Variants in AGBL4 observed in about 807,000 individuals in gnomAD.
The protein encoded by AGBL4 is AGBL carboxypeptidase 4, also known as cytosolic carboxypeptidase 6.
Under a neutral mutation model 66.4 loss-of-function variants are expected in AGBL4, and 58 were observed. That is an observed-to-expected ratio of 0.87 (90% CI 0.71 to 1.09). The LOEUF is 1.09. Ranked by LOEUF, AGBL4 falls within the 50% of genes least tolerant of loss-of-function variation. The pLI, the probability that AGBL4 is intolerant of heterozygous loss-of-function variation, is 0.00. For missense variants in AGBL4, 579 were observed against 631.0 expected, an observed-to-expected ratio of 0.92 and a Z score of 0.88; for synonymous variants, 234 against 222.9, an observed-to-expected ratio of 1.05 and a Z score of -0.44.
chr1:48,744,195 C>G (rs1310575214), intron 6 of AGBL4, among the ~76,000 whole-genome samples: 1 of 152,206 alleles, frequency 6.6e-6, no homozygotes, highest in Admixed American at 6.5e-5. Flanking sequence ...TATTCAAGGG[C>G]TGGGCCTAGG....
intron 1 of AGBL4, among the ~76,000 whole-genome samples, chr1:49,853,117 A>G (rs1413290944): frequency 6.6e-6 from 1 of 152,204 alleles, no homozygotes; most frequent in Non-Finnish European, 1.5e-5. Flanking sequence ...AAATATCAAG[A>G]AAAAACAACC....
At chr1:49,503,605 G>C (rs1426410413) in intron 3 of AGBL4, among the ~76,000 whole-genome samples, 1 of 152,168 alleles carries the variant, frequency 6.6e-6, no homozygotes, top group Non-Finnish European at 1.5e-5. Flanking sequence ...GCTGCCCAAA[G>C]CTGTGGGAGC....
chr1:48,816,061 G>C (rs1038719770), intron 6 of AGBL4, among the ~76,000 whole-genome samples: 1 of 148,068 alleles, frequency 6.8e-6, no homozygotes, highest in Non-Finnish European at 1.5e-5. Context: ...GTGTGTGTGT[G>C]TGTGTGTGTG....
At chr1:49,469,377 C>G (rs1646695512) in intron 3 of AGBL4, among the ~76,000 whole-genome samples, 1 of 151,676 alleles carries the variant, frequency 6.6e-6, no homozygotes, top group Non-Finnish European at 1.5e-5. Flanking sequence ...TTGTATCTTT[C>G]AGGATTATGA....
At chr1:48,611,204 G>A (rs1645233413) in intron 9 of AGBL4, among the ~76,000 whole-genome samples, 1 of 152,254 alleles carries the variant, frequency 6.6e-6, no homozygotes, top group African/African-American at 2.4e-5. Flanking sequence ...GCAGGCTTGA[G>A]GCTTCCTGGC....
intron 3 of AGBL4, among the ~76,000 whole-genome samples, chr1:49,499,720 C>CATATATATATATATATATATAT (rs151053487): frequency 1.4e-5 from 2 of 145,346 alleles, no homozygotes; most frequent in South Asian, 2.2e-4. Context: ...GAATGGTATT[C>CATATATATATATATATATATAT]ATATATATAT....
intron 4 of AGBL4, among the ~76,000 whole-genome samples, chr1:49,054,348 A>G (rs900707865): frequency 7.2e-5 from 11 of 152,078 alleles, no homozygotes; most frequent in Non-Finnish European, 1.6e-4. Flanking sequence ...TTGAAGCTAA[A>G]ATACTGTCTT....
chr1:49,453,505 G>A (rs1167263), intron 3 of AGBL4, among the ~76,000 whole-genome samples: 7,469 of 151,620 alleles, frequency 0.049, 579 homozygotes, highest in African/African-American at 0.16. Flanking sequence ...TCAACTTTTA[G>A]CTAAAAGCAA....
At chr1:49,183,851 C>A (rs1198636090) in intron 4 of AGBL4, among the ~76,000 whole-genome samples, 1 of 152,060 alleles carries the variant, frequency 6.6e-6, no homozygotes, top group Admixed American at 6.6e-5. Context: ...TTGACCTGAC[C>A]ACTCCATGTG....
rs192602200 is a variant in AGBL4, at chr1:49,891,639, G to A, written c.35-40121C>T. Among the ~76,000 whole-genome samples the A allele has an allele frequency of 2.2e-3, 328 of 152,304 alleles. 2 individuals carry two copies. The highest frequency in any genetic ancestry group is 2.8e-3 in the African/African-American group (115 of 41,564). ...ACCCCGAAAGGTGAGTAAAAATTAC[G>A]TTGGTGAAGAAGAGAAAGTGGTCTA... On this transcript the variant is annotated intron_variant, in intron 1 of 13. Transcript: ENST00000371839.
chr1:49,022,885 C>A (rs185080619), intron 5 of AGBL4, among the ~76,000 whole-genome samples: 2 of 152,302 alleles, frequency 1.3e-5, no homozygotes, highest in Admixed American at 1.3e-4. Flanking sequence ...CAATTCCTAA[C>A]AATTATGAAC....
intron 3 of AGBL4, among the ~76,000 whole-genome samples, chr1:49,470,973 T>C (rs1180325607): frequency 6.6e-6 from 1 of 152,052 alleles, no homozygotes; most frequent in African/African-American, 2.4e-5. Context: ...TAAGCTCCAA[T>C]GTGGGGGCTT....
chr1:49,606,964 ATC>A (rs1341960984), intron 3 of AGBL4, among the ~76,000 whole-genome samples: 1 of 152,006 alleles, frequency 6.6e-6, no homozygotes, highest in African/African-American at 2.4e-5. Context: ...ACTGTCTCTT[ATC>A]TCTGTTTCCC....
intron 1 of AGBL4, among the ~76,000 whole-genome samples, chr1:49,865,133 G>A (rs1646670066): frequency 6.6e-6 from 1 of 152,124 alleles, no homozygotes; most frequent in Non-Finnish European, 1.5e-5. Flanking sequence ...CTAAGGAGAG[G>A]GGCAACCACA....
intron 3 of AGBL4, among the ~76,000 whole-genome samples, chr1:49,420,119 C>T (rs1481946904): frequency 6.6e-6 from 1 of 152,164 alleles, no homozygotes; most frequent in African/African-American, 2.4e-5. Context: ...CTGAAATTCT[C>T]CCAATAATAC....
At chr1:49,801,220 C>T (rs1644853574) in intron 2 of AGBL4, among the ~76,000 whole-genome samples, 1 of 152,202 alleles carries the variant, frequency 6.6e-6, no homozygotes, top group Admixed American at 6.6e-5. Flanking sequence ...TCTCTAAGAG[C>T]TGAGGGCAGA....
intron 2 of AGBL4, among the ~76,000 whole-genome samples, chr1:49,796,444 G>A (rs1376032601): frequency 6.6e-6 from 1 of 151,086 alleles, no homozygotes; most frequent in Non-Finnish European, 1.5e-5. Flanking sequence ...CTCAACAATA[G>A]GGAAATCACT....
intron 6 of AGBL4, among the ~76,000 whole-genome samples, chr1:48,842,872 A>T (rs563573079): frequency 7.2e-5 from 11 of 152,302 alleles, no homozygotes; most frequent in African/African-American, 2.6e-4. Flanking sequence ...ATGCTACAAC[A>T]TCAATGAACC....
At chr1:49,216,457 G>A (rs1357714771) in intron 4 of AGBL4, among the ~76,000 whole-genome samples, 2 of 151,960 alleles carry the variant, frequency 1.3e-5, no homozygotes, top group Non-Finnish European at 2.9e-5. Flanking sequence ...CCATCTTTAT[G>A]TCCATGAGAA....
Sources: allele counts gnomAD v4.1 joint callset (sites outside exome capture counted in the v4.1 genomes callset), GRCh38; gene constraint gnomAD v4.1.1; transcripts MANE v1.5; gene names NCBI Gene and HGNC (gene_info 2026-07-23, HGNC 2026-07-21).